EIF3H: variants seen among roughly 807,000 people sequenced by gnomAD.
The protein encoded by EIF3H is eIF-3-gamma.
Under a neutral mutation model 44.2 loss-of-function variants are expected in EIF3H, and 26 were observed. The observed-to-expected ratio is 0.59, with a 90% CI of 0.43 to 0.82. EIF3H has a LOEUF of 0.82. Among genes scored for constraint, EIF3H ranks in the 40% least tolerant of loss-of-function variants. The probability of loss-of-function intolerance (pLI) is 0.00; values close to 1 mark genes in which losing one functional copy is unlikely to be tolerated. For synonymous variants in EIF3H, 166 were observed against 151.9 expected (o/e 1.09, Z -0.68); for missense variants, 359 against 432.8 (o/e 0.83, Z 1.51).
intron 2 of EIF3H, among the ~76,000 whole-genome samples, chr8:116,689,432 T>C (rs950680878): frequency 1.3e-5 from 2 of 152,120 alleles, no homozygotes; most frequent in African/African-American, 2.4e-5. Flanking sequence ...AATAAAACTG[T>C]CAAAAAATAA....
rs1184444085 is a variant in EIF3H, at chr8:116,643,169, G to A, written c.*1837C>T. The A allele has an allele frequency of 6.6e-6, 1 of 152,196 alleles. No homozygotes were observed. The highest frequency in any genetic ancestry group is 1.5e-5 in the Non-Finnish European group (1 of 68,052). 9.4% of individuals were successfully genotyped at this position (152,196 alleles called of 1,614,324 possible). A position where few individuals can be genotyped will look rare whatever the true frequency, so the allele number is the denominator to read the frequency against. On this transcript the variant is annotated 3_prime_UTR_variant, in exon 8 of 8. Transcript: ENST00000521861. Reference sequence around the variant, plus strand: ...CAGAGCATATACTCCACAAGGGCAGGGGCCATGGCCAGTTTTACCTGTTAA... The same window carrying A: ...CAGAGCATATACTCCACAAGGGCAGAGGCCATGGCCAGTTTTACCTGTTAA...
At chr8:116,750,620 A>G (rs1815317279) in intron 1 of EIF3H, among the ~76,000 whole-genome samples, 1 of 151,920 alleles carries the variant, frequency 6.6e-6, no homozygotes, top group Non-Finnish European at 1.5e-5. Context: ...CATGTTAGCC[A>G]GGACGGTCTT....
In EIF3H at chr8:116,745,273, A is replaced by C. The variant is rs112570018; in HGVS notation, c.132+10393T>G. Among the ~76,000 whole-genome samples, 134 of 152,318 alleles carry C rather than the reference A, an allele frequency of 8.8e-4. 1 individual carries two copies. Among genetic ancestry groups the C allele is most frequent in the African/African-American group, 2.8e-3 (118 of 41,546 alleles). On this transcript the variant is annotated intron_variant, in intron 1 of 7. Transcript: ENST00000521861. ...AACAGTAACTATTACCAACTATTAA[A>C]ATCAATATCTACTACTAAAAATCAT...
intron 1 of EIF3H, among the ~76,000 whole-genome samples, chr8:116,743,808 ACACAC>A: frequency 1.2e-5 from 1 of 86,022 alleles, no homozygotes; most frequent in Admixed American, 1.3e-4. Context: ...AAACACACAC[ACACAC>A]ACACACACAC....
At chr8:116,697,714 A>T (rs922896600) in intron 2 of EIF3H, among the ~76,000 whole-genome samples, 5 of 152,178 alleles carry the variant, frequency 3.3e-5, no homozygotes, top group African/African-American at 1.2e-4. Flanking sequence ...TTCTTATTAA[A>T]TATTATTCTC....
At chr8:116,721,437 A>G (rs563204092) in intron 2 of EIF3H, among the ~76,000 whole-genome samples, 2 of 152,342 alleles carry the variant, frequency 1.3e-5, no homozygotes, top group East Asian at 3.9e-4. Flanking sequence ...CAGAAGGGAA[A>G]TGTGGGGTTG....
intron 2 of EIF3H, among the ~76,000 whole-genome samples, chr8:116,662,366 C>T (rs770490700): frequency 6.6e-6 from 1 of 152,040 alleles, no homozygotes; most frequent in Non-Finnish European, 1.5e-5. Context: ...GCTAGAGCTC[C>T]GAAATGAACC....
intron 1 of EIF3H, among the ~76,000 whole-genome samples, chr8:116,726,387 AT>A (rs1162914334): frequency 6.6e-6 from 1 of 152,206 alleles, no homozygotes; most frequent in African/African-American, 2.4e-5. Context: ...CAGGAGTTTG[AT>A]TACATGTCAA....
chr8:116,663,502 G>A (rs770402406), intron 2 of EIF3H, among the ~76,000 whole-genome samples: 1 of 152,164 alleles, frequency 6.6e-6, no homozygotes, highest in Admixed American at 6.5e-5. Context: ...TAATCCTCTT[G>A]GGAGGGAGAA....
intron 2 of EIF3H, among the ~76,000 whole-genome samples, chr8:116,674,362 C>T (rs1813812312): frequency 6.6e-6 from 1 of 151,406 alleles, no homozygotes; most frequent in South Asian, 2.1e-4. Flanking sequence ...GCAGATAAAG[C>T]TGTTCCCAGC....
rs763100000 is a variant in EIF3H, at chr8:116,646,477, T to C, written c.955A>G (p.Ile319Val). 3.7e-6 allele frequency: 6 copies of C among 1,614,192 alleles called. No homozygotes were observed. The highest frequency in any genetic ancestry group is 5.1e-6 in the Non-Finnish European group (6 of 1,180,026). Residue 319 changes from isoleucine (I) to valine (V), a missense_variant, in exon 7 of 8, where the codon ATT (isoleucine) becomes GTT (valine). By Grantham distance (29) the Ile-to-Val change is conservative. This residue lies in a region of EIF3H where 94 missense variants were observed against 96.0 expected (regional missense o/e 0.98). Transcript: ENST00000521861. ...TTGCACTGGGCAACAATACCTGCAA[T>C]GAGCAGCGAGTCCATCCTGGCAGGC... ...QPPARMDSLL[I>V]AGQINTYCQN... is the part of the protein sequence containing the mutation.
chr8:116,656,148 C>T (rs367678431), intron 4 of EIF3H, 143 bp from the exon 5 acceptor site: 1 of 677,448 alleles, frequency 1.5e-6, no homozygotes, highest in East Asian at 3.1e-5. Context: ...AGTAGAGAAA[C>T]TGGAGTTTTA....
intron 1 of EIF3H, among the ~76,000 whole-genome samples, chr8:116,727,810 C>T (rs1814874851): frequency 6.6e-6 from 1 of 152,170 alleles, no homozygotes; most frequent in Non-Finnish European, 1.5e-5. Context: ...TGTCATAATT[C>T]TGTGCACTGT....
At chr8:116,727,102 A>G (rs1480324328) in intron 1 of EIF3H, among the ~76,000 whole-genome samples, 2 of 152,246 alleles carry the variant, frequency 1.3e-5, no homozygotes, top group Non-Finnish European at 2.9e-5. Context: ...TAAAACAAAT[A>G]TATTATTGTT....
intron 2 of EIF3H, among the ~76,000 whole-genome samples, chr8:116,681,089 G>A (rs898595437): frequency 3.3e-5 from 5 of 152,134 alleles, no homozygotes; most frequent in Non-Finnish European, 5.9e-5. Flanking sequence ...CTGGCCAGGC[G>A]TGGTGGCTCA....
chr8:116,760,496 C>A (rs1452430982), upstream of EIF3H, among the ~76,000 whole-genome samples: 1 of 152,114 alleles, frequency 6.6e-6, no homozygotes, highest in Admixed American at 6.6e-5. Flanking sequence ...AGCATGTGGT[C>A]ATTTTCTGTA....
At chr8:116,753,400 AT>A (rs1160381993) in intron 1 of EIF3H, among the ~76,000 whole-genome samples, 24 of 152,046 alleles carry the variant, frequency 1.6e-4, no homozygotes, top group Middle Eastern at 3.4e-3. Context: ...TAAGCTTCTG[AT>A]TTTTTTTATT....
intron 1 of EIF3H, among the ~76,000 whole-genome samples, chr8:116,727,020 G>A (rs1046045420): frequency 6.6e-6 from 1 of 152,180 alleles, no homozygotes; most frequent in African/African-American, 2.4e-5. Context: ...AAATTGTAAT[G>A]TAAAGTTCTC....
At chr8:116,737,562 C>T (rs1464514664) in intron 1 of EIF3H, among the ~76,000 whole-genome samples, 2 of 151,950 alleles carry the variant, frequency 1.3e-5, no homozygotes, top group Non-Finnish European at 2.9e-5. Flanking sequence ...AGGCTGAATG[C>T]AGGAGAATCA....
Sources: allele counts gnomAD v4.1 joint callset (sites outside exome capture counted in the v4.1 genomes callset), GRCh38; gene constraint gnomAD v4.1.1; regional missense constraint gnomAD v4.1.1; transcripts MANE v1.5; gene names NCBI Gene and HGNC (gene_info 2026-07-23, HGNC 2026-07-21).